Variants in CPAMD8 observed in about 807,000 individuals in gnomAD.
CPAMD8 encodes the protein C3 and PZP like alpha-2-macroglobulin domain containing 8, also known as C3 and PZP-like alpha-2-macroglobulin domain-containing protein 8.
Under a neutral mutation model 224.7 loss-of-function variants are expected in CPAMD8, and 146 were observed. The ratio of observed to expected loss-of-function variants is 0.65; its 90% CI spans 0.57 to 0.75. The LOEUF (loss-of-function observed/expected upper bound fraction) is 0.75. Ranked by LOEUF, CPAMD8 falls within the 30% of genes least tolerant of loss-of-function variation. The pLI, the probability that CPAMD8 is intolerant of heterozygous loss-of-function variation, is 0.00. For missense variants in CPAMD8, 2,301 were observed against 2,537.5 expected (o/e 0.91, Z 2.00); for synonymous variants, 966 against 1,044.6 (o/e 0.92, Z 1.45).
At chr19:16,904,981 C>T (rs1042650214) in intron 30 of CPAMD8, among the ~76,000 whole-genome samples, 1 of 152,232 alleles carries the variant, frequency 6.6e-6, no homozygotes, top group African/African-American at 2.4e-5. Flanking sequence ...TGGCTCACGC[C>T]TGTAATCCGA....
chr19:16,993,482 G>A lies in CPAMD8; in HGVS notation c.1200C>T (p.Ser400=). The A allele has an allele frequency of 6.2e-7, 1 of 1,613,972 alleles. No individual in the cohort carries two copies. The highest frequency in any genetic ancestry group is 8.5e-7 in the Non-Finnish European group (1 of 1,179,890). The change falls in exon 12 of 42, where the codon TCC becomes TCT. Residue 400 remains serine, a synonymous_variant. Coordinates refer to ENST00000443236, the MANE Select transcript of CPAMD8 (RefSeq NM_015692.5). ...KDNIYTSEVV[S]QRGLVGFEIP... ...TTTCAAACCCCACTAGTCCACGCTG[G>A]GACACAACTTCACTGGTGTAGATGT... is the stretch of plus-strand genomic sequence containing the variant.
rs191106307 is a variant in CPAMD8, at chr19:17,009,391, A to C, written c.487-71T>G. The C allele has an allele frequency of 1.4e-5, 23 of 1,612,052 alleles. No individual in the cohort carries two copies. The Admixed American group carries it at 3.7e-4, about 26-fold the overall frequency. On this transcript the variant is annotated intron_variant, in intron 5 of 41. Transcript: ENST00000443236. Reference sequence around the variant, plus strand: ...CCAAACCCTTTCAACATGCTCATGCATGGCCTCGGTCCCCGGGACAGGCAG... The same window carrying C: ...CCAAACCCTTTCAACATGCTCATGCCTGGCCTCGGTCCCCGGGACAGGCAG...
intron 27 of CPAMD8, among the ~76,000 whole-genome samples, chr19:16,920,945 G>A (rs566555592): frequency 1.3e-5 from 2 of 151,716 alleles, no homozygotes; most frequent in Non-Finnish European, 2.9e-5. Context: ...CTGGGGCTCA[G>A]CCAGCTTTTG....
intron 13 of CPAMD8, among the ~76,000 whole-genome samples, chr19:16,986,313 C>T (rs773892872): frequency 7.9e-5 from 12 of 152,190 alleles, no homozygotes; most frequent in East Asian, 5.8e-4. Context: ...GGGTAGGACG[C>T]GCTGGGGTTT....
chr19:16,914,893 C>G, intron 27 of CPAMD8, 80 bp from the exon 28 acceptor site: 1 of 983,708 alleles, frequency 1.0e-6, no homozygotes, highest in Non-Finnish European at 1.5e-6. Flanking sequence ...GCAGCAAGCT[C>G]CTGGCACCAC....
intron 1 of CPAMD8, among the ~76,000 whole-genome samples, 153 bp from the exon 2 acceptor site, chr19:17,022,334 A>G (rs1347541314): frequency 6.6e-6 from 1 of 151,938 alleles, no homozygotes; most frequent in African/African-American, 2.4e-5. Context: ...GTGCCCCCCC[A>G]TCAGTTCTTG....
At chr19:17,009,151 A>T in intron 6 of CPAMD8, 152 bp downstream of exon 6, 1 of 1,256,704 alleles carries the variant, frequency 8.0e-7, no homozygotes, top group Non-Finnish European at 1.1e-6. Flanking sequence ...GGGCGGACCC[A>T]GGGACCAGGA....
chr19:17,010,983 A>G (rs1038915947), intron 5 of CPAMD8, among the ~76,000 whole-genome samples: 1 of 151,860 alleles, frequency 6.6e-6, no homozygotes, highest in Non-Finnish European at 1.5e-5. Context: ...AGATCGCACC[A>G]CTGCACTTCA....
chr19:16,929,012 T>G lies in CPAMD8; in HGVS notation c.3074A>C (p.His1025Pro). 2 of 1,613,970 alleles carry G rather than the reference T, an allele frequency of 1.2e-6. No homozygotes were observed. The highest frequency in any genetic ancestry group is 1.7e-6 in the Non-Finnish European group (2 of 1,179,852). Residue 1025 changes from histidine to proline, a missense_variant, in exon 24 of 42, where the codon CAC becomes CCC. Physicochemically the swap from His to Pro is moderately conservative, Grantham distance 77 (BLOSUM62 -2). Around this residue, in one of 4 missense-constraint regions of CPAMD8, gnomAD observed 1,709 missense variants for 1,753.2 expected, o/e 0.97. Transcript: ENST00000443236. ...SKMGEPVASA[H>P]TAKILSWDEF... ...ATCCCAGGAGAGGATCTTGGCCGTGTGTGCACTGGCCACGGGCTCTCCCAT... is the reference window on the plus strand; with the variant it reads ...ATCCCAGGAGAGGATCTTGGCCGTGGGTGCACTGGCCACGGGCTCTCCCAT...
intron 22 of CPAMD8, among the ~76,000 whole-genome samples, chr19:16,944,530 T>G (rs914598784): frequency 6.6e-6 from 1 of 152,126 alleles, no homozygotes; most frequent in African/African-American, 2.4e-5. Context: ...CGCTGCCTCC[T>G]TCTTGGGCCT....
chr19:16,992,631 T>C (rs1272430392), intron 12 of CPAMD8, among the ~76,000 whole-genome samples: 1 of 151,908 alleles, frequency 6.6e-6, no homozygotes, highest in Non-Finnish European at 1.5e-5. Flanking sequence ...TTTGTATTTT[T>C]AGTAGAGATG....
chr19:16,918,442 CTTTTTT>C (rs869059553), intron 27 of CPAMD8, among the ~76,000 whole-genome samples: 22 of 39,386 alleles, frequency 5.6e-4, no homozygotes, highest in African/African-American at 7.0e-4. Context: ...ATTTTTAAAA[CTTTTTT>C]TTTTTTTTTT....
At chr19:16,977,318 A>G (rs2055313220) in intron 15 of CPAMD8, 50 bp downstream of exon 15, 3 of 1,326,030 alleles carry the variant, frequency 2.3e-6, no homozygotes, top group Admixed American at 3.6e-5. Context: ...ACCTTGGAGA[A>G]GCCCCGATGG....
intron 5 of CPAMD8, among the ~76,000 whole-genome samples, chr19:17,009,950 A>C (rs1215531616): frequency 3.3e-5 from 5 of 152,200 alleles, no homozygotes; most frequent in Non-Finnish European, 7.3e-5. Flanking sequence ...GAACTTGGTC[A>C]CAAGGAACCA....
chr19:16,957,925 G>GA lies in CPAMD8; in HGVS notation c.2214-11dup, dbSNP rs1227983161. 1.2e-6 allele frequency: 2 copies of GA among 1,605,916 alleles called. No homozygotes were observed. The highest frequency in any genetic ancestry group is 2.2e-5 in the East Asian group (1 of 44,856). ...TTTTCTCTTCTCTGTTCTATGAAAA[G>GA]AAAAAAAGAAACGATTAAGGTTTCA... On this transcript the variant is annotated splice_polypyrimidine_tract_variant and intron_variant, in intron 18 of 41. Transcript: ENST00000443236.
intron 1 of CPAMD8, among the ~76,000 whole-genome samples, chr19:17,024,055 A>G (rs765156883): frequency 4.6e-5 from 7 of 152,242 alleles, no homozygotes; most frequent in Non-Finnish European, 8.8e-5. Flanking sequence ...GCATGCTTAG[A>G]TTAGGCAAAG....
At chr19:17,003,049 CAT>C (rs2056382716) in intron 8 of CPAMD8, among the ~76,000 whole-genome samples, 1 of 151,954 alleles carries the variant, frequency 6.6e-6, no homozygotes, top group African/African-American at 2.4e-5. Flanking sequence ...ACTGCAGGCA[CAT>C]GCCACCACGC....
At chr19:16,906,382 CT>C (rs753799948) in intron 30 of CPAMD8, among the ~76,000 whole-genome samples, 2 of 70,572 alleles carry the variant, frequency 2.8e-5, no homozygotes, top group Non-Finnish European at 3.2e-5. Context: ...TTCTTTCTTT[CT>C]TTCTTTCTTT....
intron 23 of CPAMD8, among the ~76,000 whole-genome samples, chr19:16,930,474 C>A (rs1387485714): frequency 6.6e-6 from 1 of 152,120 alleles, no homozygotes; most frequent in East Asian, 1.9e-4. Context: ...TTGACTAGTT[C>A]ATCTAAGAAC....
Sources: allele counts gnomAD v4.1 joint callset (sites outside exome capture counted in the v4.1 genomes callset), GRCh38; gene constraint gnomAD v4.1.1; regional missense constraint gnomAD v4.1.1; transcripts MANE v1.5; gene names NCBI Gene and HGNC (gene_info 2026-07-23, HGNC 2026-07-21).